Variants in ENTREP2 observed in about 807,000 individuals in gnomAD.
ENTREP2 encodes the protein protein ENTREP2.
At chr15:29,123,282 T>C in the ENTREP2 span, 1 of 1,448,730 alleles carries the variant, frequency 6.9e-7, no homozygotes, top group Non-Finnish European at 9.2e-7. Flanking sequence ...TGATGGCTTC[T>C]GCCAAGAACA....
the ENTREP2 span, among the ~76,000 whole-genome samples, chr15:29,231,286 C>G: frequency 6.6e-6 from 1 of 152,140 alleles, no homozygotes; most frequent in African/African-American, 2.4e-5. Flanking sequence ...TCTCTACTTA[C>G]ATGATTAAAA....
chr15:29,432,146 G>C, the ENTREP2 span, among the ~76,000 whole-genome samples: 1 of 152,188 alleles, frequency 6.6e-6, no homozygotes, highest in Non-Finnish European at 1.5e-5. Flanking sequence ...TCAACTCATG[G>C]AGTCTAATTC....
At chr15:29,402,844 C>T in the ENTREP2 span, among the ~76,000 whole-genome samples, 8 of 152,096 alleles carry the variant, frequency 5.3e-5, no homozygotes, top group African/African-American at 1.4e-4. Flanking sequence ...ACAGAGAAAA[C>T]GCACTATTAA....
the ENTREP2 span, among the ~76,000 whole-genome samples, chr15:29,356,630 T>C: frequency 6.6e-6 from 1 of 151,742 alleles, no homozygotes; most frequent in Non-Finnish European, 1.5e-5. Flanking sequence ...AAAAACATAT[T>C]GATATAGAAG....
At chr15:29,568,967 C>G in the ENTREP2 span, among the ~76,000 whole-genome samples, 2 of 152,168 alleles carry the variant, frequency 1.3e-5, no homozygotes, top group Non-Finnish European at 2.9e-5. Flanking sequence ...AGGGCGGGCT[C>G]AGGGAGGAGC....
At chr15:29,665,740 T>C in the ENTREP2 span, among the ~76,000 whole-genome samples, 1 of 152,262 alleles carries the variant, frequency 6.6e-6, no homozygotes, top group South Asian at 2.1e-4. Context: ...TTCCTGCTTC[T>C]GTGGTTAAAC....
At chr15:29,295,511 T>C in the ENTREP2 span, among the ~76,000 whole-genome samples, 1 of 152,240 alleles carries the variant, frequency 6.6e-6, no homozygotes, top group African/African-American at 2.4e-5. Flanking sequence ...TACGTGAAAC[T>C]GCAGATGGTA....
the ENTREP2 span, among the ~76,000 whole-genome samples, chr15:29,673,878 T>C: frequency 2.0e-5 from 3 of 151,318 alleles, no homozygotes; most frequent in Admixed American, 6.6e-5. Flanking sequence ...TTGTCTGTTA[T>C]AATTTTGCAA....
the ENTREP2 span, among the ~76,000 whole-genome samples, chr15:29,540,394 G>T: frequency 1.1e-3 from 171 of 152,176 alleles, 3 homozygotes; most frequent in African/African-American, 3.9e-3. Flanking sequence ...CAAATATAAT[G>T]TATCAAAAAG....
chr15:29,288,389 C>T, the ENTREP2 span, among the ~76,000 whole-genome samples: 1 of 152,142 alleles, frequency 6.6e-6, no homozygotes, highest in Non-Finnish European at 1.5e-5. Context: ...TCCTGTTTCC[C>T]CATCATCACC....
chr15:29,582,872 G>A, the ENTREP2 span, among the ~76,000 whole-genome samples: 1 of 151,944 alleles, frequency 6.6e-6, no homozygotes, highest in African/African-American at 2.4e-5. Flanking sequence ...GGCTGGTCTC[G>A]AACTCCTGAC....
chr15:29,444,212 A>AC, the ENTREP2 span, among the ~76,000 whole-genome samples: 1 of 150,366 alleles, frequency 6.7e-6, no homozygotes, highest in African/African-American at 2.5e-5. Context: ...GAAAGAAAGA[A>AC]AGAAAGAAAG....
the ENTREP2 span, chr15:29,614,070 T>A: frequency 1.3e-5 from 2 of 152,950 alleles, no homozygotes; most frequent in Non-Finnish European, 2.9e-5. Flanking sequence ...ATGTGGGACA[T>A]CCTTCCTCAT....
chr15:29,402,881 GCCT>G, the ENTREP2 span, among the ~76,000 whole-genome samples: 1 of 152,188 alleles, frequency 6.6e-6, no homozygotes, highest in African/African-American at 2.4e-5. Flanking sequence ...AGCTGGTTCT[GCCT>G]CCTAAGTGAG....
the ENTREP2 span, among the ~76,000 whole-genome samples, chr15:29,216,857 A>G: frequency 2.0e-5 from 3 of 152,204 alleles, no homozygotes; most frequent in Non-Finnish European, 1.5e-5. Flanking sequence ...ATTGTTTAAA[A>G]AAAAGAAAAG....
the ENTREP2 span, among the ~76,000 whole-genome samples, chr15:29,587,374 G>T: frequency 6.6e-6 from 1 of 152,034 alleles, no homozygotes; most frequent in African/African-American, 2.4e-5. Context: ...ATACTAGAGC[G>T]ATGACAAAAG....
the ENTREP2 span, among the ~76,000 whole-genome samples, chr15:29,623,780 A>AG: frequency 6.6e-6 from 1 of 152,230 alleles, no homozygotes; most frequent in South Asian, 2.1e-4. Context: ...GGAAGGAGGG[A>AG]GGGTAAGGTA....
chr15:29,464,363 T>C, the ENTREP2 span, among the ~76,000 whole-genome samples: 4 of 152,170 alleles, frequency 2.6e-5, no homozygotes, highest in Admixed American at 2.6e-4. Context: ...GCCACTTTCA[T>C]TACCAGCTTC....
the ENTREP2 span, among the ~76,000 whole-genome samples, chr15:29,344,306 T>C: frequency 6.6e-6 from 1 of 152,188 alleles, no homozygotes; most frequent in Non-Finnish European, 1.5e-5. Context: ...AAATGTTTAA[T>C]AAAAACTAAG....
Sources: allele counts gnomAD v4.1 joint callset (sites outside exome capture counted in the v4.1 genomes callset), GRCh38; gene constraint gnomAD v4.1.1; transcripts MANE v1.5; gene names NCBI Gene and HGNC (gene_info 2026-07-23, HGNC 2026-07-21).